SMC1B: variants seen among roughly 807,000 people sequenced by gnomAD.
The protein encoded by SMC1B is structural maintenance of chromosomes protein 1B.
A neutral mutation model predicts 157.9 loss-of-function variants in SMC1B; 60 were observed. The observed-to-expected ratio is 0.38, with a 90% CI of 0.31 to 0.47. The LOEUF is 0.47. Ranked by LOEUF, SMC1B falls within the 20% of genes least tolerant of loss-of-function variation. The pLI, the probability that SMC1B is intolerant of heterozygous loss-of-function variation, is 0.99. For synonymous variants in SMC1B, 445 were observed against 483.0 expected (o/e 0.92, Z 1.03); for missense variants, 1,165 against 1,426.2 (o/e 0.82, Z 2.95).
At chr22:45,387,160 T>A in intron 10 of SMC1B, 114 bp from the exon 11 acceptor site, 1 of 937,010 alleles carries the variant, frequency 1.1e-6, no homozygotes, top group South Asian at 1.8e-5. Context: ...ATCAACAGTA[T>A]GTACCCAGCC....
chr22:45,368,533 T>C (rs1018503764), intron 15 of SMC1B, among the ~76,000 whole-genome samples: 36 of 151,906 alleles, frequency 2.4e-4, no homozygotes, highest in East Asian at 1.4e-3. Context: ...TTTTTTTTTT[T>C]CTGAGACCGA....
intron 7 of SMC1B, among the ~76,000 whole-genome samples, chr22:45,394,998 A>G (rs1469874930): frequency 6.6e-6 from 1 of 152,202 alleles, no homozygotes; most frequent in African/African-American, 2.4e-5. Flanking sequence ...TTCAAACTTC[A>G]AGGAGATTAT....
intron 19 of SMC1B, among the ~76,000 whole-genome samples, chr22:45,355,994 C>G (rs978665177): frequency 2.6e-5 from 4 of 152,078 alleles, no homozygotes; most frequent in Non-Finnish European, 4.4e-5. Flanking sequence ...CGCTTGAACC[C>G]GAGAGGTGGA....
At chr22:45,403,055 C>T (rs996372757) in intron 4 of SMC1B, among the ~76,000 whole-genome samples, 15 of 152,128 alleles carry the variant, frequency 9.9e-5, no homozygotes, top group Non-Finnish European at 2.1e-4. Context: ...ATTTCCTTAA[C>T]ATTTGTGCTA....
rs754271698 is a variant in SMC1B at position 45,402,488 on chromosome 22, T to C, written c.699A>G (p.Lys233=). 3.7e-6 allele frequency: 6 copies of C among 1,614,016 alleles called. No individual in the cohort carries two copies. In the South Asian group the frequency reaches 5.5e-5, roughly 15 times the overall value. The change falls in exon 5 of 25, where the codon AAA becomes AAG. Residue 233 remains lysine, a synonymous_variant. Transcript: ENST00000357450. ...ACTTGGTGTTCAGGAGATGAATCTT[T>C]TTCTCATTATGGTATAGTTGAAAAA... ...LQLFQLYHNE[K]KIHLLNTKLE... is the part of the protein sequence containing the mutation.
intron 5 of SMC1B, among the ~76,000 whole-genome samples, chr22:45,400,721 T>G (rs1321411392): frequency 6.6e-6 from 1 of 152,162 alleles, no homozygotes; most frequent in Admixed American, 6.6e-5. Context: ...AAAAACTACT[T>G]CAGTCAGGTG....
At chr22:45,399,773 T>C (rs2087170822) in intron 5 of SMC1B, among the ~76,000 whole-genome samples, 1 of 152,214 alleles carries the variant, frequency 6.6e-6, no homozygotes, top group Admixed American at 6.5e-5. Flanking sequence ...GACCTAATTC[T>C]AGAAATGAGT....
Position 45,359,645 on chromosome 22 carries a change from C to T in SMC1B, c.2862+160G>A, listed in dbSNP as rs578069857. On this transcript the variant is annotated intron_variant, in intron 18 of 24. Transcript: ENST00000357450. ...TAAGAAACATGGGTTCATCCCGTGG[C>T]CCTAGTCCTCTGAGATGACAGTCAT... 3.7e-4 allele frequency among the ~76,000 whole-genome samples: 57 copies of T among 152,310 alleles called. No individual in the cohort carries two copies. The South Asian group carries it at 0.011, about 30-fold the overall frequency.
Position 45,352,480 on chromosome 22 carries a change from T to G in SMC1B, c.3396A>C (p.Ala1132=), listed in dbSNP as rs1281037612. ...GCACAGCAAACAGGAGAGCCAAGGC[T>G]GCCACACACTTTTCTCCCCCTGACA... is the stretch of plus-strand genomic sequence containing the variant. ...DNLSGGEKCV[A]ALALLFAVHS... Residue 1132 remains alanine, a synonymous_variant, in exon 22 of 25, where the codon GCA becomes GCC. Coordinates refer to ENST00000357450, the MANE Select transcript of SMC1B (RefSeq NM_148674.5). 1 of 1,614,106 alleles carries G rather than the reference T, an allele frequency of 6.2e-7. No individual in the cohort carries two copies. Among genetic ancestry groups the G allele is most frequent in the East Asian group, 2.2e-5 (1 of 44,876 alleles).
chr22:45,362,839 T>A, intron 16 of SMC1B, 46 bp downstream of exon 16: 1 of 1,516,782 alleles, frequency 6.6e-7, no homozygotes. Context: ...ATGAAGGAAG[T>A]CATAATTTCA....
intron 5 of SMC1B, among the ~76,000 whole-genome samples, chr22:45,400,368 A>G (rs970064096): frequency 1.3e-5 from 2 of 152,190 alleles, no homozygotes; most frequent in Non-Finnish European, 2.9e-5. Flanking sequence ...CAGTAATGAG[A>G]ATATTTCAAA....
At chr22:45,351,633 C>G (rs932698008) in intron 22 of SMC1B, among the ~76,000 whole-genome samples, 1 of 152,188 alleles carries the variant, frequency 6.6e-6, no homozygotes, top group African/African-American at 2.4e-5. Flanking sequence ...ATTGCAGCCT[C>G]GAACTCCTGG....
intron 12 of SMC1B, among the ~76,000 whole-genome samples, chr22:45,381,016 G>A (rs1267695835): frequency 2.0e-5 from 3 of 148,294 alleles, no homozygotes; most frequent in South Asian, 2.1e-4. Context: ...GGCTGGTCTC[G>A]AACTCCTGAC....
At chr22:45,369,443 A>G (rs2086808419) in intron 15 of SMC1B, among the ~76,000 whole-genome samples, 2 of 151,408 alleles carry the variant, frequency 1.3e-5, no homozygotes, top group African/African-American at 4.9e-5. Context: ...TTATGCCCCT[A>G]TTCTCTTATT....
In SMC1B at chr22:45,352,773, T is replaced by C. The variant is rs183369610; in HGVS notation, c.3274-171A>G. Reference sequence around the variant, plus strand: ...CTACATGTAATCACAGACAACAGGGTTGTCTGGGTAGGCGGTAGAGGGAAA... The same window carrying C: ...CTACATGTAATCACAGACAACAGGGCTGTCTGGGTAGGCGGTAGAGGGAAA... On this transcript the variant is annotated intron_variant, in intron 21 of 24. Coordinates refer to ENST00000357450, the MANE Select transcript of SMC1B (RefSeq NM_148674.5). 5.3e-5 allele frequency among the ~76,000 whole-genome samples: 8 copies of C among 152,172 alleles called. No homozygotes were observed. In the East Asian group the frequency reaches 1.5e-3, roughly 29 times the overall value.
At chr22:45,395,262 T>TATA (rs1485217286) in intron 7 of SMC1B, among the ~76,000 whole-genome samples, 9 of 152,286 alleles carry the variant, frequency 5.9e-5, no homozygotes, top group Admixed American at 1.3e-4. Flanking sequence ...TATAGGCACC[T>TATA]GTAGGGCAAC....
chr22:45,372,712 A>G (rs1171695454), intron 12 of SMC1B, among the ~76,000 whole-genome samples: 4 of 74,082 alleles, frequency 5.4e-5, no homozygotes, highest in African/African-American at 2.2e-4. Flanking sequence ...CATTGACTCC[A>G]GGTCTTTTTT....
At chr22:45,344,682 A>C in intron 24 of SMC1B, 25 bp from the exon 25 acceptor site, 1 of 1,527,298 alleles carries the variant, frequency 6.5e-7, no homozygotes, top group African/African-American at 1.4e-5. Context: ...AGACAGTTAA[A>C]AGTTCCCCTA....
intron 12 of SMC1B, among the ~76,000 whole-genome samples, chr22:45,375,952 C>T (rs1051041444): frequency 4.6e-5 from 7 of 151,770 alleles, no homozygotes; most frequent in Non-Finnish European, 1.0e-4. Context: ...GGAAAGTTTC[C>T]ATCTTTTTTA....
Sources: gnomAD v4.1 joint callset for allele counts (sites outside exome capture counted in the v4.1 genomes callset) on GRCh38, gnomAD v4.1.1 for gene constraint, MANE v1.5 for transcripts, NCBI Gene and HGNC (gene_info 2026-07-23, HGNC 2026-07-21) for gene names.